Variants in KCNN2 observed in about 807,000 individuals in gnomAD.
KCNN2 encodes the protein potassium calcium-activated channel subfamily N member 2, also known as small conductance calcium-activated potassium channel protein 2.
A neutral mutation model predicts 55.5 loss-of-function variants in KCNN2; 24 were observed. The observed-to-expected ratio is 0.43, with a 90% confidence interval of 0.31 to 0.61. KCNN2 has a LOEUF of 0.61. Ranked by LOEUF, KCNN2 falls within the 20% of genes least tolerant of loss-of-function variation. The pLI is 0.08. For missense variants in KCNN2, 754 were observed against 853.6 expected (o/e 0.88, Z 1.45); for synonymous variants, 431 against 336.1 (o/e 1.28, Z -3.09).
chr5:114,181,547 C>T (rs961270788), intron 1 of KCNN2, among the ~76,000 whole-genome samples: 1 of 151,948 alleles, frequency 6.6e-6, no homozygotes, highest in African/African-American at 2.4e-5. Flanking sequence ...TATTCATTTT[C>T]CTAATGATAT....
chr5:114,273,808 C>T (rs1054796034), intron 2 of KCNN2, among the ~76,000 whole-genome samples: 9 of 152,172 alleles, frequency 5.9e-5, no homozygotes, highest in African/African-American at 1.4e-4. Flanking sequence ...TGCCTGTTCA[C>T]TCTGGTGATA....
intron 1 of KCNN2, among the ~76,000 whole-genome samples, chr5:114,069,027 C>G (rs964750668): frequency 6.6e-6 from 1 of 152,128 alleles, no homozygotes; most frequent in Non-Finnish European, 1.5e-5. Flanking sequence ...GTTGTACAGG[C>G]TGGCCTCGAA....
At chr5:114,401,233 C>G (rs1208885346) in intron 2 of KCNN2, among the ~76,000 whole-genome samples, 1 of 151,970 alleles carries the variant, frequency 6.6e-6, no homozygotes, top group Non-Finnish European at 1.5e-5. Flanking sequence ...GTATTAAGAC[C>G]TTTGATAGTA....
chr5:114,456,597 C>T (rs899218330), intron 3 of KCNN2, among the ~76,000 whole-genome samples: 3 of 152,120 alleles, frequency 2.0e-5, no homozygotes. Context: ...AAGGCTATAG[C>T]TGATGGAGCT....
chr5:114,076,317 G>A (rs1055881500), intron 1 of KCNN2, among the ~76,000 whole-genome samples: 5 of 152,230 alleles, frequency 3.3e-5, no homozygotes, highest in African/African-American at 1.2e-4. Flanking sequence ...ATCTACCAGA[G>A]ATCCCCACAC....
chr5:114,374,454 T>A (rs759323006), intron 2 of KCNN2, among the ~76,000 whole-genome samples: 3 of 152,180 alleles, frequency 2.0e-5, no homozygotes, highest in Non-Finnish European at 1.5e-5. Flanking sequence ...CTGGACTGGG[T>A]TTATTTCTGG....
chr5:114,195,042 G>T (rs1263910248), intron 1 of KCNN2, among the ~76,000 whole-genome samples: 1 of 151,842 alleles, frequency 6.6e-6, no homozygotes, highest in Non-Finnish European at 1.5e-5. Flanking sequence ...CTGTTTCATT[G>T]ATCTATAAGT....
chr5:114,136,739 C>A (rs1752181948), intron 1 of KCNN2, among the ~76,000 whole-genome samples: 1 of 152,124 alleles, frequency 6.6e-6, no homozygotes, highest in South Asian at 2.1e-4. Flanking sequence ...GTGGCTTAAC[C>A]TCTCTGAGCC....
At chr5:114,204,069 C>T (rs746512758) in intron 1 of KCNN2, among the ~76,000 whole-genome samples, 2 of 152,082 alleles carry the variant, frequency 1.3e-5, no homozygotes, top group South Asian at 2.1e-4. Context: ...TGTAGAAGTA[C>T]AGACTTCAGG....
intron 3 of KCNN2, among the ~76,000 whole-genome samples, chr5:114,429,412 G>T (rs924423157): frequency 1.3e-5 from 2 of 152,024 alleles, no homozygotes; most frequent in African/African-American, 2.4e-5. Context: ...ATGATGTGGC[G>T]CATCTTTTCA....
At chr5:114,272,785 T>G (rs1755382968) in intron 2 of KCNN2, among the ~76,000 whole-genome samples, 1 of 152,192 alleles carries the variant, frequency 6.6e-6, no homozygotes, top group South Asian at 2.1e-4. Flanking sequence ...TTTTTAAAGT[T>G]GTATTTAGTT....
chr5:114,205,230 A>G (rs893170202), intron 1 of KCNN2, among the ~76,000 whole-genome samples: 3 of 152,214 alleles, frequency 2.0e-5, no homozygotes, highest in African/African-American at 7.2e-5. Context: ...TCCATCTTAT[A>G]AAAAATATTT....
At chr5:114,380,220 G>A (rs1408872451) in intron 2 of KCNN2, among the ~76,000 whole-genome samples, 1 of 152,130 alleles carries the variant, frequency 6.6e-6, no homozygotes, top group African/African-American at 2.4e-5. Flanking sequence ...GGGAATTTCT[G>A]TGTCAATTGT....
At chr5:114,156,351 C>T (rs1054767792) in intron 1 of KCNN2, among the ~76,000 whole-genome samples, 1 of 151,956 alleles carries the variant, frequency 6.6e-6, no homozygotes, top group African/African-American at 2.4e-5. Flanking sequence ...CTTGGCCTTG[C>T]CTTGACTATA....
intron 3 of KCNN2, among the ~76,000 whole-genome samples, chr5:114,423,421 C>G (rs918100543): frequency 2.6e-5 from 4 of 152,058 alleles, no homozygotes; most frequent in Admixed American, 6.6e-5. Flanking sequence ...GCTAACTTCT[C>G]CAGGGACTTA....
intron 2 of KCNN2, among the ~76,000 whole-genome samples, chr5:114,270,595 T>C (rs1218642279): frequency 1.3e-5 from 2 of 152,194 alleles, no homozygotes; most frequent in African/African-American, 2.4e-5. Context: ...ATGGGAATCA[T>C]TAAGGACTAA....
At chr5:114,353,976 T>C (rs163302) in intron 2 of KCNN2, among the ~76,000 whole-genome samples, 68,928 of 151,704 alleles carry the variant, frequency 0.45, 16,343 homozygotes, top group East Asian at 0.86. Context: ...ATTTGGAAAG[T>C]TTTCAGCTAT....
At position 114,193,174 on chromosome 5, in the gene KCNN2, C is replaced by T. The variant is rs532008262; in HGVS notation, c.-270-28306C>T. On this transcript the variant is annotated intron_variant, in intron 1 of 10. Transcript: ENST00000512097. ...TTTGGATCCTTCCCCCTTCATCCAG[C>T]TCTTCAAATGTCTCCCCTGCATGAC... Among the ~76,000 whole-genome samples the T allele has an allele frequency of 3.4e-4, 52 of 152,200 alleles. 1 individual carries two copies. The South Asian group carries it at 0.01, about 30-fold the overall frequency.
chr5:114,062,100 CTT>C (rs35235217), intron 1 of KCNN2, among the ~76,000 whole-genome samples: 1 of 143,374 alleles, frequency 7.0e-6, no homozygotes. Flanking sequence ...TATATGGGTT[CTT>C]TTTTTTTTTT....
Sources: allele counts gnomAD v4.1 joint callset (sites outside exome capture counted in the v4.1 genomes callset), GRCh38; gene constraint gnomAD v4.1.1; transcripts MANE v1.5; gene names NCBI Gene and HGNC (gene_info 2026-07-23, HGNC 2026-07-21).